NINL: variants seen among roughly 807,000 people sequenced by gnomAD.
The protein encoded by NINL is ninein like, also known as ninein-like protein.
NINL carries 153 observed loss-of-function variants against 160.3 expected under a neutral mutation model. That is an observed-to-expected ratio of 0.95 (90% CI 0.84 to 1.09). The LOEUF (loss-of-function observed/expected upper bound fraction) is 1.09. NINL is among the 50% of genes least tolerant of loss of function. The pLI, the probability that NINL is intolerant of heterozygous loss-of-function variation, is 0.00. For missense variants in NINL, 1,829 were observed against 1,764.0 expected (o/e 1.04, Z -0.66); for synonymous variants, 800 against 734.8 (o/e 1.09, Z -1.43).
At chr20:25,496,934 C>A in intron 9 of NINL, 131 bp from the exon 10 acceptor site, 1 of 1,179,596 alleles carries the variant, frequency 8.5e-7, no homozygotes, top group South Asian at 1.5e-5. Flanking sequence ...GGGCACTGCT[C>A]CACCAGCCTG....
intron 20 of NINL, among the ~76,000 whole-genome samples, chr20:25,462,118 C>T (rs2062804505): frequency 6.6e-6 from 1 of 152,264 alleles, no homozygotes; most frequent in East Asian, 1.9e-4. Flanking sequence ...TCTTCAGCCT[C>T]TAAGTGTGTA....
rs1050740864 is a variant in NINL at position 25,526,676 on chromosome 20, A to G, written c.-11-78T>C. On this transcript the variant is annotated intron_variant, in intron 1 of 23. Transcript: ENST00000278886. The stretch of plus-strand genomic sequence containing the variant: ...TCCCATTCCCACACTGCCGGTGAGC[A>G]CCGAGCTACATGGTCCAAGCAGACG... The G allele has an allele frequency of 4.2e-6, 6 of 1,441,530 alleles. No individual in the cohort carries two copies. In the African/African-American group the frequency reaches 8.4e-5, roughly 20 times the overall value. 89.3% of individuals were successfully genotyped at this position (1,441,530 alleles called of 1,614,324 possible). A position where few individuals can be genotyped will look rare whatever the true frequency, so the allele number is the denominator to read the frequency against.
chr20:25,584,067 G>C (rs900671339), intron 1 of NINL, among the ~76,000 whole-genome samples: 3 of 152,122 alleles, frequency 2.0e-5, no homozygotes, highest in Non-Finnish European at 1.5e-5. Context: ...CGGGTTGATA[G>C]GTGCAGCAAA....
At position 25,462,454 on chromosome 20, in the gene NINL, C is replaced by T. The variant is rs145654950; in HGVS notation, c.3511G>A (p.Glu1171Lys). Residue 1171 changes from glutamate to lysine, a missense_variant, in exon 20 of 24, where the codon GAG becomes AAG. Glu to Lys is a moderately conservative substitution (Grantham distance 56). Coordinates refer to ENST00000278886, the MANE Select transcript of NINL (RefSeq NM_025176.6). The stretch of plus-strand genomic sequence containing the variant: ...ATCTGAATGGTCACACGATGCTCCT[C>T]GTTTTGGGCCTGGTGGGTAGAAGCC... ...QEASTHQAQN[E>K]EHRVTIQMLT... The T allele has an allele frequency of 4.0e-5, 64 of 1,614,188 alleles. No individual in the cohort carries two copies. In the African/African-American group the frequency reaches 4.5e-4, roughly 11 times the overall value.
intron 14 of NINL, 43 bp downstream of exon 14, chr20:25,481,925 C>G (rs1368949564): frequency 6.3e-7 from 1 of 1,581,098 alleles, no homozygotes; most frequent in Admixed American, 1.7e-5. Context: ...TTGTTGTCAA[C>G]AGCAGGCCTT....
In NINL at chr20:25,478,916, G is replaced by C. The variant is rs1209598587; in HGVS notation, c.2201+7C>G. On this transcript the variant is annotated splice_region_variant and intron_variant, in intron 16 of 23. Coordinates refer to ENST00000278886, the MANE Select transcript of NINL (RefSeq NM_025176.6). ...AGACTTGAAATCTCAAAAGAAGCTG[G>C]CTGGACCTGATCTGCTGCAGGTGGC... The C allele has an allele frequency of 6.6e-7, 1 of 1,513,966 alleles. No homozygotes were observed. The highest frequency in any genetic ancestry group is 8.8e-7 in the Non-Finnish European group (1 of 1,135,562). 93.8% of individuals were successfully genotyped at this position (1,513,966 alleles called of 1,614,324 possible).
intron 5 of NINL, among the ~76,000 whole-genome samples, chr20:25,507,432 C>T (rs1252996654): frequency 7.2e-5 from 11 of 152,184 alleles, no homozygotes; most frequent in Non-Finnish European, 1.5e-4. Flanking sequence ...TGAGGACAGA[C>T]ACTGGGTGTC....
chr20:25,530,458 T>C (rs1199590409), intron 1 of NINL, among the ~76,000 whole-genome samples: 2 of 152,060 alleles, frequency 1.3e-5, no homozygotes, highest in Non-Finnish European at 1.5e-5. Context: ...GGGTTTTCTC[T>C]TACATCACCT....
chr20:25,551,630 G>A (rs1000926863), intron 1 of NINL, among the ~76,000 whole-genome samples: 3 of 152,092 alleles, frequency 2.0e-5, no homozygotes, highest in Non-Finnish European at 4.4e-5. Context: ...GCAGGCAGGA[G>A]GGAAACAAGG....
At chr20:25,520,986 GA>G (rs1174333980) in intron 2 of NINL, among the ~76,000 whole-genome samples, 1 of 152,122 alleles carries the variant, frequency 6.6e-6, no homozygotes, top group Non-Finnish European at 1.5e-5. Context: ...ATCCTGCTTG[GA>G]ATTCCATGGG....
At chr20:25,558,409 T>C (rs911854600) in intron 1 of NINL, among the ~76,000 whole-genome samples, 1 of 152,190 alleles carries the variant, frequency 6.6e-6, no homozygotes, top group African/African-American at 2.4e-5. Context: ...GGTTTCGCCA[T>C]GTTGGCCAGG....
intron 1 of NINL, among the ~76,000 whole-genome samples, chr20:25,564,167 T>C (rs1194426057): frequency 6.6e-6 from 1 of 151,214 alleles, no homozygotes; most frequent in Non-Finnish European, 1.5e-5. Flanking sequence ...TTTTTTTTTT[T>C]GAGATGGAGT....
At chr20:25,475,855 C>T (rs1282840636) in intron 17 of NINL, among the ~76,000 whole-genome samples, 188 bp downstream of exon 17, 2 of 152,158 alleles carry the variant, frequency 1.3e-5, no homozygotes, top group African/African-American at 2.4e-5. Flanking sequence ...ACCAGATGAC[C>T]GTGGCATTCC....
At chr20:25,474,518 T>G (rs2063184113) in intron 17 of NINL, among the ~76,000 whole-genome samples, 1 of 152,194 alleles carries the variant, frequency 6.6e-6, no homozygotes, top group Admixed American at 6.5e-5. Context: ...TGTGCGTTCC[T>G]AAGAATACTG....
At chr20:25,562,161 G>A (rs1440930435) in intron 1 of NINL, among the ~76,000 whole-genome samples, 9 of 145,886 alleles carry the variant, frequency 6.2e-5, no homozygotes, top group Admixed American at 2.0e-4. Context: ...CGCCCCGTCC[G>A]GGAGGGAGGT....
intron 1 of NINL, among the ~76,000 whole-genome samples, chr20:25,570,850 A>G (rs1289603392): frequency 1.3e-5 from 2 of 151,626 alleles, no homozygotes; most frequent in Non-Finnish European, 2.9e-5. Flanking sequence ...CTGCAGGCAC[A>G]CGCCACCATG....
At position 25,476,295 on chromosome 20, in the gene NINL, G is replaced by T. The variant is rs747603042; in HGVS notation, c.2996C>A (p.Ala999Asp). ...GTQEQASEQQ[A>D]RAEGALEPGC... is the part of the protein sequence containing the mutation. ...AGGCTCCAGGGCGCCCTCGGCCCGG[G>T]CCTGCTGCTCCGAGGCCTGCTCCTG... The change falls in exon 17 of 24, where the codon GCC (alanine) becomes GAC (aspartate). Residue 999 changes from alanine to aspartate, a missense_variant. Coordinates refer to ENST00000278886, the MANE Select transcript of NINL (RefSeq NM_025176.6). The T allele has an allele frequency of 1.9e-6, 3 of 1,613,310 alleles. No individual in the cohort carries two copies. Among genetic ancestry groups the T allele is most frequent in the Non-Finnish European group, 2.5e-6 (3 of 1,179,944 alleles).
chr20:25,548,283 C>T (rs1299809302), intron 1 of NINL, among the ~76,000 whole-genome samples: 1 of 152,196 alleles, frequency 6.6e-6, no homozygotes, highest in Non-Finnish European at 1.5e-5. Flanking sequence ...TCCCAGGCAC[C>T]TTTGTGCTCC....
intron 7 of NINL, among the ~76,000 whole-genome samples, chr20:25,502,854 G>A (rs1025843314): frequency 2.6e-5 from 4 of 152,220 alleles, no homozygotes; most frequent in African/African-American, 2.4e-5. Context: ...AGCAGACACT[G>A]GCACCATGCT....
Sources: gnomAD v4.1 joint callset for allele counts (sites outside exome capture counted in the v4.1 genomes callset) on GRCh38, gnomAD v4.1.1 for gene constraint, MANE v1.5 for transcripts, NCBI Gene and HGNC (gene_info 2026-07-23, HGNC 2026-07-21) for gene names.